Variants in MAP3K5 observed in about 807,000 individuals in gnomAD.
The protein encoded by MAP3K5 is ASK-1.
MAP3K5 carries 56 observed loss-of-function variants against 158.7 expected under a neutral mutation model. The observed-to-expected ratio is 0.35, with a 90% confidence interval of 0.28 to 0.44. The LOEUF is 0.44. Ranked by LOEUF, MAP3K5 falls within the 20% of genes least tolerant of loss-of-function variation. The pLI is 1.00. For missense variants in MAP3K5, 1,294 were observed against 1,674.8 expected (o/e 0.77, Z 3.97); for synonymous variants, 579 against 601.7 (o/e 0.96, Z 0.55).
chr6:136,584,312 T>A (rs574147321), intron 23 of MAP3K5: 1 of 152,360 alleles, frequency 6.6e-6, no homozygotes, highest in East Asian at 1.9e-4. Context: ...AGAAAGACAA[T>A]AGGGAGTGTA....
chr6:136,672,706 T>C (rs573990350), intron 7 of MAP3K5, among the ~76,000 whole-genome samples: 4 of 151,640 alleles, frequency 2.6e-5, no homozygotes, highest in African/African-American at 7.3e-5. Context: ...CTTTAAGAAA[T>C]TTACCACATT....
intron 1 of MAP3K5, among the ~76,000 whole-genome samples, chr6:136,731,982 A>C (rs763060873): frequency 2.6e-5 from 4 of 152,178 alleles, no homozygotes; most frequent in Non-Finnish European, 5.9e-5. Context: ...TTTTGAAGTC[A>C]AGCTGAAAGA....
intron 8 of MAP3K5, among the ~76,000 whole-genome samples, chr6:136,662,845 T>C (rs1431105597): frequency 6.6e-6 from 1 of 152,256 alleles, no homozygotes; most frequent in African/African-American, 2.4e-5. Context: ...TTTTAAGCAA[T>C]GAGCAGTATG....
At position 136,616,347 on chromosome 6, in the gene MAP3K5, C is replaced by A. The variant is rs1397290679; in HGVS notation, c.2151-2061G>T. Among the ~76,000 whole-genome samples the A allele has an allele frequency of 3.4e-5, 5 of 148,914 alleles. No homozygotes were observed. In the South Asian group the frequency reaches 8.6e-4, roughly 25 times the overall value. On this transcript the variant is annotated intron_variant, in intron 15 of 29. Coordinates refer to ENST00000359015, the MANE Select transcript of MAP3K5 (RefSeq NM_005923.4). ...GAGATGGAGTTTCACTCTTGTCGCC[C>A]AGGCTGGGGTGCAATGGCGTGATCT... is the stretch of plus-strand genomic sequence containing the variant.
chr6:136,669,841 T>C (rs920787318), intron 7 of MAP3K5, among the ~76,000 whole-genome samples: 1 of 151,886 alleles, frequency 6.6e-6, no homozygotes, highest in Non-Finnish European at 1.5e-5. Context: ...AAACTAGTGT[T>C]TCCAAGTAAA....
At chr6:136,672,282 A>C (rs1779515337) in intron 7 of MAP3K5, among the ~76,000 whole-genome samples, 1 of 152,114 alleles carries the variant, frequency 6.6e-6, no homozygotes, top group Admixed American at 6.6e-5. Context: ...CAGACACTGG[A>C]GATCTATGGA....
intron 14 of MAP3K5, among the ~76,000 whole-genome samples, chr6:136,631,519 C>CT (rs921413089): frequency 4.6e-4 from 64 of 139,010 alleles, no homozygotes; most frequent in South Asian, 9.3e-4. Flanking sequence ...TTTTTTTTTT[C>CT]TTTTTTTTTT....
intron 15 of MAP3K5, among the ~76,000 whole-genome samples, chr6:136,620,684 T>G (rs1441590522): frequency 5.9e-5 from 9 of 152,206 alleles, no homozygotes; most frequent in Non-Finnish European, 1.3e-4. Context: ...ATCTATTAAA[T>G]AATCCAATCT....
rs1783160491 is a variant in MAP3K5, at chr6:136,750,534, T to A, written c.449-29945A>T. Reference sequence around the variant, plus strand: ...TCTTCAACGATGAAGGGGTGAATTGTTCATGTAGCACTTGAGTATTTTTGT... The same window carrying A: ...TCTTCAACGATGAAGGGGTGAATTGATCATGTAGCACTTGAGTATTTTTGT... On this transcript the variant is annotated intron_variant, in intron 1 of 29. Coordinates refer to ENST00000359015, the MANE Select transcript of MAP3K5 (RefSeq NM_005923.4). Among the ~76,000 whole-genome samples, 3 of 152,340 alleles carry A rather than the reference T, an allele frequency of 2.0e-5. No individual in the cohort carries two copies. The South Asian group carries it at 6.2e-4, about 32-fold the overall frequency.
intron 7 of MAP3K5, among the ~76,000 whole-genome samples, chr6:136,688,890 T>G (rs1205423742): frequency 6.6e-6 from 1 of 152,102 alleles, no homozygotes; most frequent in East Asian, 1.9e-4. Flanking sequence ...GCATAATGCT[T>G]CTCAAATATC....
intron 1 of MAP3K5, among the ~76,000 whole-genome samples, chr6:136,789,826 C>A (rs1330333266): frequency 6.6e-6 from 1 of 151,938 alleles, no homozygotes; most frequent in East Asian, 1.9e-4. Context: ...GTAGCTAGGA[C>A]TACAGGTGTG....
chr6:136,774,966 T>G (rs1784350233), intron 1 of MAP3K5, among the ~76,000 whole-genome samples: 1 of 152,356 alleles, frequency 6.6e-6, no homozygotes, highest in South Asian at 2.1e-4. Flanking sequence ...TCACGTATGA[T>G]GCAAGACCTA....
intron 2 of MAP3K5, among the ~76,000 whole-genome samples, chr6:136,709,882 T>C (rs545413067): frequency 6.6e-6 from 1 of 152,208 alleles, no homozygotes; most frequent in East Asian, 1.9e-4. Context: ...CAGTGAGCTA[T>C]GATCGCACCA....
chr6:136,742,741 G>A (rs999402261), intron 1 of MAP3K5, among the ~76,000 whole-genome samples: 12 of 152,124 alleles, frequency 7.9e-5, no homozygotes, highest in Admixed American at 1.3e-4. Flanking sequence ...GAATATATTT[G>A]CAAAAGACAT....
intron 13 of MAP3K5, among the ~76,000 whole-genome samples, chr6:136,637,881 G>C (rs114728012): frequency 0.035 from 5,350 of 152,184 alleles, 316 homozygotes; most frequent in African/African-American, 0.12. Context: ...GGTGTGATAA[G>C]AAAAGTTCCC....
chr6:136,769,733 AGGAAG>A (rs1784099585), intron 1 of MAP3K5, among the ~76,000 whole-genome samples: 1 of 122,996 alleles, frequency 8.1e-6, no homozygotes, highest in Non-Finnish European at 1.7e-5. Context: ...GAAGGAAGGG[AGGAAG>A]GGAAGGAAGG....
chr6:136,740,256 G>T (rs1403657670), intron 1 of MAP3K5, among the ~76,000 whole-genome samples: 3 of 152,186 alleles, frequency 2.0e-5, no homozygotes. Flanking sequence ...CAGCGGGGCT[G>T]GGGACGGGGG....
intron 21 of MAP3K5, among the ~76,000 whole-genome samples, chr6:136,595,838 C>T (rs1353761172): frequency 6.6e-6 from 1 of 151,960 alleles, no homozygotes; most frequent in Non-Finnish European, 1.5e-5. Flanking sequence ...GGTGAAACCT[C>T]GCTTCTACTA....
chr6:136,569,255 T>TG (rs1774258494), intron 25 of MAP3K5, among the ~76,000 whole-genome samples: 1 of 152,202 alleles, frequency 6.6e-6, no homozygotes, highest in African/African-American at 2.4e-5. Flanking sequence ...AGTCATCACT[T>TG]GTGGGGGAAA....
Sources: allele counts gnomAD v4.1 joint callset (sites outside exome capture counted in the v4.1 genomes callset), GRCh38; gene constraint gnomAD v4.1.1; transcripts MANE v1.5; gene names NCBI Gene and HGNC (gene_info 2026-07-23, HGNC 2026-07-21).